KCNIP1: variants seen among roughly 807,000 people sequenced by gnomAD.
KCNIP1 encodes potassium voltage-gated channel interacting protein 1, also known as A-type potassium channel modulatory protein KCNIP1.
Under a neutral mutation model 33.0 loss-of-function variants are expected in KCNIP1, and 18 were observed. The ratio of observed to expected loss-of-function variants is 0.55; its 90% CI spans 0.38 to 0.81. The LOEUF (loss-of-function observed/expected upper bound fraction) is 0.81, where lower values mean the gene tolerates loss of function less well. Ranked by LOEUF, KCNIP1 falls within the 30% of genes least tolerant of loss-of-function variation. The probability of loss-of-function intolerance (pLI) is 0.00; values close to 1 mark genes in which losing one functional copy is unlikely to be tolerated. For synonymous variants in KCNIP1, 93 were observed against 98.3 expected (o/e 0.95, Z 0.32); for missense variants, 238 against 271.6 (o/e 0.88, Z 0.87).
At chr5:170,409,853 C>T (rs991725760) in intron 1 of KCNIP1, among the ~76,000 whole-genome samples, 13 of 152,210 alleles carry the variant, frequency 8.5e-5, no homozygotes, top group African/African-American at 2.7e-4. Flanking sequence ...ATGTATTTCT[C>T]CTCTGGGTTG....
chr5:170,683,093 G>A (rs1411855705), intron 1 of KCNIP1, among the ~76,000 whole-genome samples: 1 of 152,034 alleles, frequency 6.6e-6, no homozygotes, highest in East Asian at 1.9e-4. Flanking sequence ...TAATGTTATA[G>A]CAATGAGGGG....
chr5:170,515,095 TG>T (rs1443594536), intron 1 of KCNIP1, among the ~76,000 whole-genome samples: 1 of 152,198 alleles, frequency 6.6e-6, no homozygotes, highest in Non-Finnish European at 1.5e-5. Flanking sequence ...CGATGCCTGG[TG>T]GAAGAACAGT....
intron 1 of KCNIP1, among the ~76,000 whole-genome samples, chr5:170,664,263 A>G (rs1443666935): frequency 2.0e-5 from 3 of 152,104 alleles, no homozygotes; most frequent in African/African-American, 7.2e-5. Context: ...CTTCTGGCAC[A>G]TGTCTGCTCT....
At chr5:170,713,883 G>C (rs1763544072) in intron 1 of KCNIP1, among the ~76,000 whole-genome samples, 1 of 152,076 alleles carries the variant, frequency 6.6e-6, no homozygotes, top group Non-Finnish European at 1.5e-5. Context: ...AATTAGCCGG[G>C]CATGGTGGGG....
At chr5:170,397,544 G>A (rs372317318) in intron 1 of KCNIP1, among the ~76,000 whole-genome samples, 144 of 152,298 alleles carry the variant, frequency 9.5e-4, no homozygotes, top group South Asian at 9.1e-3. Context: ...AGGTATGTAG[G>A]TAGGGACTCT....
intron 1 of KCNIP1, among the ~76,000 whole-genome samples, chr5:170,689,972 T>C (rs547248958): frequency 3.9e-5 from 6 of 152,186 alleles, no homozygotes; most frequent in Non-Finnish European, 8.8e-5. Context: ...AACCCTTCTT[T>C]TGTATGCAAG....
chr5:170,633,724 AG>A (rs1409824440), intron 1 of KCNIP1, among the ~76,000 whole-genome samples: 117 of 3,114 alleles, frequency 0.038, no homozygotes, highest in African/African-American at 0.14. Flanking sequence ...GGGGGGGCGG[AG>A]GGGGGGACGG....
intron 1 of KCNIP1, among the ~76,000 whole-genome samples, chr5:170,535,202 C>T (rs1755935241): frequency 6.6e-6 from 1 of 152,106 alleles, no homozygotes; most frequent in African/African-American, 2.4e-5. Context: ...ATCCACTGTC[C>T]CCAGAGACGT....
intron 1 of KCNIP1, among the ~76,000 whole-genome samples, chr5:170,567,545 A>C (rs574313035): frequency 6.6e-6 from 1 of 152,350 alleles, no homozygotes; most frequent in African/African-American, 2.4e-5. Flanking sequence ...TTCAGAGCTC[A>C]GACGGGCTGG....
chr5:170,735,730 C>T, intron 7 of KCNIP1, 29 bp from the exon 8 acceptor site: 1 of 1,608,094 alleles, frequency 6.2e-7, no homozygotes, highest in Non-Finnish European at 8.5e-7. Context: ...ACTCAGAGTT[C>T]TAACCCTCTT....
intron 1 of KCNIP1, among the ~76,000 whole-genome samples, chr5:170,385,789 T>G (rs1403439851): frequency 6.6e-6 from 1 of 151,994 alleles, no homozygotes. Context: ...TCAATGTTAC[T>G]TTATGTGGCA....
At chr5:170,422,392 G>C (rs1356330441) in intron 1 of KCNIP1, 2 of 152,206 alleles carry the variant, frequency 1.3e-5, no homozygotes, top group Non-Finnish European at 2.9e-5. Context: ...CTAGAATGGG[G>C]AGACAAGAAG....
intron 1 of KCNIP1, among the ~76,000 whole-genome samples, chr5:170,547,488 C>A (rs912333957): frequency 1.3e-5 from 2 of 152,102 alleles, no homozygotes; most frequent in Non-Finnish European, 2.9e-5. Context: ...ACATATTAAG[C>A]TTAGTATCCA....
intron 1 of KCNIP1, chr5:170,669,732 C>T (rs1489590998): frequency 2.7e-6 from 2 of 747,590 alleles, no homozygotes; most frequent in Non-Finnish European, 1.6e-6. Flanking sequence ...TCATAATTAA[C>T]ACTAATGAGA....
At chr5:170,572,626 C>G (rs1350927253) in intron 1 of KCNIP1, among the ~76,000 whole-genome samples, 4 of 152,230 alleles carry the variant, frequency 2.6e-5, no homozygotes, top group African/African-American at 9.6e-5. Context: ...TTAATCGCCT[C>G]TCAGTTTTCA....
chr5:170,564,127 G>T (rs1460294106), intron 1 of KCNIP1, among the ~76,000 whole-genome samples: 1 of 152,146 alleles, frequency 6.6e-6, no homozygotes, highest in East Asian at 1.9e-4. Flanking sequence ...TCTCAGAGAT[G>T]CAGAAAGAAA....
At chr5:170,582,720 T>A (rs1757841901) in intron 1 of KCNIP1, among the ~76,000 whole-genome samples, 3 of 152,176 alleles carry the variant, frequency 2.0e-5, no homozygotes, top group Admixed American at 2.0e-4. Flanking sequence ...CTTATCTGTA[T>A]AACACTTTTC....
At chr5:170,436,833 C>T (rs1006398765) in intron 1 of KCNIP1, among the ~76,000 whole-genome samples, 3 of 152,158 alleles carry the variant, frequency 2.0e-5, no homozygotes, top group African/African-American at 7.2e-5. Flanking sequence ...TGTTTCCAGG[C>T]CCCATAACAG....
intron 1 of KCNIP1, among the ~76,000 whole-genome samples, chr5:170,468,273 A>T (rs1434539242): frequency 6.6e-6 from 1 of 152,232 alleles, no homozygotes; most frequent in African/African-American, 2.4e-5. Context: ...TTAAAAAGGA[A>T]TTAAAATATA....
Sources: gnomAD v4.1 joint callset for allele counts (sites outside exome capture counted in the v4.1 genomes callset) on GRCh38, gnomAD v4.1.1 for gene constraint, MANE v1.5 for transcripts, NCBI Gene and HGNC (gene_info 2026-07-23, HGNC 2026-07-21) for gene names.